The following KIRREL2 variants were observed in gnomAD, a reference collection of about 807,000 sequenced individuals.
The protein encoded by KIRREL2 is kin of IRRE-like protein 2.
Under a neutral mutation model 73.4 loss-of-function variants are expected in KIRREL2, and 56 were observed. The observed-to-expected ratio is 0.76, with a 90% CI of 0.62 to 0.95. The LOEUF is 0.95. Among genes scored for constraint, KIRREL2 ranks in the 40% least tolerant of loss-of-function variants. The probability of loss-of-function intolerance (pLI) is 0.00; values close to 1 mark genes in which losing one functional copy is unlikely to be tolerated. For missense variants in KIRREL2, 896 were observed against 935.0 expected (o/e 0.96, Z 0.54); for synonymous variants, 407 against 404.0 (o/e 1.01, Z -0.09).
intron 12 of KIRREL2, 100 bp from the exon 13 acceptor site, chr19:35,862,827 A>G (rs1973765305): frequency 1.3e-6 from 1 of 770,356 alleles, no homozygotes; most frequent in African/African-American, 1.7e-5. Flanking sequence ...GCCCTACCCA[A>G]TCAGCCTCAT....
chr19:35,860,199 C>T, intron 5 of KIRREL2, 98 bp from the exon 6 acceptor site: 1 of 970,264 alleles, frequency 1.0e-6, no homozygotes, highest in Non-Finnish European at 1.6e-6. Flanking sequence ...ATTAGGGGCC[C>T]AGACTCCTGG....
At chr19:35,856,444 G>C (rs1973427665), upstream of KIRREL2, 1 of 155,298 alleles carries the variant, frequency 6.4e-6, no homozygotes, top group Admixed American at 6.3e-5. This position sits in a 1 kb window ranked among gnomAD's most constrained non-coding sequence, Gnocchi z 5.9. Context: ...GGCTGGGGGA[G>C]TCGAGGTAGG....
In KIRREL2 at chr19:35,861,229, C is replaced by G. The variant is rs767811038; in HGVS notation, c.1164C>G (p.Ala388=). Reference sequence around the variant, plus strand: ...GGCTATCGGGCCTGCGGGGCGGCGCCGCGGAGGCTCGGCTGACTGTGAACG... The same window carrying G: ...GGCTATCGGGCCTGCGGGGCGGCGCGGCGGAGGCTCGGCTGACTGTGAACG... ...EAGLSGLRGG[A]AEARLTVNAP... Residue 388 remains alanine (A), a synonymous_variant, in exon 9 of 15, where the codon GCC becomes GCG. Coordinates refer to ENST00000360202, the MANE Select transcript of KIRREL2 (RefSeq NM_199180.4). The G allele has an allele frequency of 2.8e-5, 43 of 1,533,256 alleles. No individual in the cohort carries two copies. In the Admixed American group the frequency reaches 7.9e-4, roughly 28 times the overall value. The allele number at this position is 1,533,256 out of a possible 1,614,324, so 95.0% of individuals were successfully genotyped here. A position where few individuals can be genotyped will look rare whatever the true frequency, so the allele number is the denominator to read the frequency against.
At chr19:35,859,234 A>G (rs560107345) in intron 4 of KIRREL2, among the ~76,000 whole-genome samples, 26 of 152,372 alleles carry the variant, frequency 1.7e-4, no homozygotes, top group Non-Finnish European at 3.4e-4. Context: ...AAGTAAGGCA[A>G]GCTTGTCCAA....
chr19:35,853,681 T>G (rs892481300), upstream of KIRREL2, among the ~76,000 whole-genome samples: 3 of 151,444 alleles, frequency 2.0e-5, no homozygotes, highest in East Asian at 5.8e-4. Context: ...TTTTTAAAAT[T>G]TGTTTGTAGA....
At chr19:35,859,288 G>A (rs1973561158) in intron 4 of KIRREL2, among the ~76,000 whole-genome samples, 193 bp from the exon 5 acceptor site, 1 of 152,168 alleles carries the variant, frequency 6.6e-6, no homozygotes, top group South Asian at 2.1e-4. Context: ...GGCTTTGAAT[G>A]TGGCCCACCA....
upstream of KIRREL2, among the ~76,000 whole-genome samples, chr19:35,852,552 TC>T (rs1374156094): frequency 1.3e-5 from 2 of 152,144 alleles, no homozygotes; most frequent in African/African-American, 4.8e-5. Context: ...AGCTCTGGCC[TC>T]TGCCCAGCAG....
chr19:35,860,685 T>C lies in KIRREL2; in HGVS notation c.928+18T>C. The C allele has an allele frequency of 6.2e-7, 1 of 1,600,612 alleles. No homozygotes were observed. Among genetic ancestry groups the C allele is most frequent in the Non-Finnish European group, 8.5e-7 (1 of 1,179,212 alleles). The stretch of plus-strand genomic sequence containing the variant: ...TGTGCTGTGTGAGCTGGGGCCGGCC[T>C]GTGGGTGTGGTCAAAGGTGGCCGTG... On this transcript the variant is annotated intron_variant, in intron 7 of 14. Transcript: ENST00000360202.
Position 35,860,965 on chromosome 19 carries a change from G to C in KIRREL2, c.985G>C (p.Ala329Pro). Residue 329 changes from alanine (A) to proline (P), a missense_variant, in exon 8 of 15, where the codon GCT becomes CCT. Coordinates refer to ENST00000360202, the MANE Select transcript of KIRREL2 (RefSeq NM_199180.4). ...EPVSVDVGED[A>P]SFSCAWRGNP... Reference sequence around the variant, plus strand: ...CGTGTCCGTGGACGTGGGGGAAGACGCTTCCTTCAGCTGCGCCTGGCGCGG... The same window carrying C: ...CGTGTCCGTGGACGTGGGGGAAGACCCTTCCTTCAGCTGCGCCTGGCGCGG... 2 of 1,613,802 alleles carry C rather than the reference G, an allele frequency of 1.2e-6. No homozygotes were observed. Among genetic ancestry groups the C allele is most frequent in the Non-Finnish European group, 1.7e-6 (2 of 1,179,944 alleles).
chr19:35,856,505 C>A, upstream of KIRREL2: 1 of 160,488 alleles, frequency 6.2e-6, no homozygotes, highest in Non-Finnish European at 1.4e-5. The surrounding 1 kb of genome is among the most constrained non-coding windows in gnomAD (Gnocchi z 5.9). Flanking sequence ...GACACGCAGG[C>A]CCGGGGGAGC....
intron 13 of KIRREL2, among the ~76,000 whole-genome samples, chr19:35,863,787 T>C (rs957366467): frequency 4.1e-5 from 6 of 147,350 alleles, no homozygotes; most frequent in Admixed American, 2.1e-4. Flanking sequence ...TTCTTTCTTT[T>C]TTTTGAGACG....
chr19:35,855,281 C>T (rs1973381548), upstream of KIRREL2, among the ~76,000 whole-genome samples: 2 of 152,080 alleles, frequency 1.3e-5, no homozygotes, highest in Admixed American at 1.3e-4. Context: ...GGAGCTGTCC[C>T]TTGCTGGGGC....
chr19:35,863,026 G>A lies in KIRREL2; in HGVS notation c.1715G>A (p.Arg572His), dbSNP rs199552023. The A allele has an allele frequency of 4.8e-5, 76 of 1,572,850 alleles. No homozygotes were observed. In the African/African-American group the frequency reaches 7.6e-4, roughly 16 times the overall value. The change falls in exon 13 of 15, where the codon CGC becomes CAC. Residue 572 changes from arginine (R) to histidine (H), a missense_variant. Transcript: ENST00000360202. The stretch of plus-strand genomic sequence containing the variant: ...CCTGAAGAAGAGGAGACAGGCAGCC[G>A]CGAGGACCGGGTAGGATGCCAGGGT... ...RGPEEEETGSREDRGPIVHTD... is the reference protein window; with the variant it reads ...RGPEEEETGSHEDRGPIVHTD...
chr19:35,852,945 G>A (rs987700382), upstream of KIRREL2, among the ~76,000 whole-genome samples: 24 of 152,008 alleles, frequency 1.6e-4, no homozygotes, highest in African/African-American at 5.1e-4. Context: ...CAGGTATATA[G>A]CACCATGCCT....
At chr19:35,851,951 T>C, upstream of KIRREL2, 1 of 859,134 alleles carries the variant, frequency 1.2e-6, no homozygotes, top group East Asian at 2.6e-5. Context: ...CTTTTTTATC[T>C]CTTTCCGTTA....
At chr19:35,862,046 C>T (rs967102946) in intron 11 of KIRREL2, 22 bp downstream of exon 11, 1 of 1,585,208 alleles carries the variant, frequency 6.3e-7, no homozygotes, top group South Asian at 1.1e-5. Flanking sequence ...GCCCGAAGAC[C>T]CCAAATCTGG....
At chr19:35,864,784 C>G (rs1195053026) in intron 14 of KIRREL2, 71 bp downstream of exon 14, 12 of 1,194,752 alleles carry the variant, frequency 1.0e-5, no homozygotes, top group Non-Finnish European at 8.7e-6. Flanking sequence ...GTGTTTCCGT[C>G]TCTCTCCCAC....
Position 35,857,402 on chromosome 19 carries a change from A to C in KIRREL2, c.119A>C (p.Glu40Ala). 1 of 1,612,752 alleles carries C rather than the reference A, an allele frequency of 6.2e-7. No individual in the cohort carries two copies. Reference protein sequence around the residue: ...PEDLVVLLGEEARLPCALGAY... With the variant: ...PEDLVVLLGEAARLPCALGAY... ...GACCTGGTGGTGCTGCTGGGGGAGG[A>C]AGCCCGGCTGCCGTGTGCTCTGGGC... The change falls in exon 2 of 15, where the codon GAA becomes GCA. Residue 40 changes from glutamate (E) to alanine (A), a missense_variant. Transcript: ENST00000360202.
chr19:35,859,514 G>T lies in KIRREL2; in HGVS notation c.556G>T (p.Glu186Ter), dbSNP rs1238380158. 1 of 1,614,128 alleles carries T rather than the reference G, an allele frequency of 6.2e-7. No individual in the cohort carries two copies. Among genetic ancestry groups the T allele is most frequent in the African/African-American group, 1.3e-5 (1 of 75,050 alleles). Residue 186 changes from glutamate (E) to a stop codon, truncating the protein, a stop_gained, in exon 5 of 15, where the codon GAG becomes TAG. Transcript: ENST00000360202. LOFTEE classifies it high-confidence loss of function. ...LLKEGTPGSV[E>*]STLTLTPFSH... is the part of the protein sequence containing the mutation. ...GAAGGAAGGGACCCCTGGGTCAGTG[G>T]AGAGCACCTTAACCCTGACCCCTTT...
Sources: allele counts gnomAD v4.1 joint callset (sites outside exome capture counted in the v4.1 genomes callset), GRCh38; gene constraint gnomAD v4.1.1; non-coding constraint Gnocchi (gnomAD v3.1); transcripts MANE v1.5; gene names NCBI Gene and HGNC (gene_info 2026-07-23, HGNC 2026-07-21).